Variants in CDH4 observed in about 807,000 individuals in gnomAD.
CDH4 encodes the protein cadherin-4.
Under a neutral mutation model 86.0 loss-of-function variants are expected in CDH4, and 33 were observed. The observed-to-expected ratio is 0.38, with a 90% CI of 0.29 to 0.51. The LOEUF is 0.51. CDH4 is among the 20% of genes least tolerant of loss of function. CDH4 has a pLI of 0.86. For missense variants in CDH4, 1,114 were observed against 1,307.4 expected (o/e 0.85, Z 2.28); for synonymous variants, 555 against 549.4 (o/e 1.01, Z -0.14).
At chr20:61,490,864 C>T (rs2085622417) in intron 2 of CDH4, among the ~76,000 whole-genome samples, 2 of 152,098 alleles carry the variant, frequency 1.3e-5, no homozygotes. Flanking sequence ...CTTAAAGAAA[C>T]GTAAAGTTAC....
intron 15 of CDH4, among the ~76,000 whole-genome samples, chr20:61,935,952 AAAC>A (rs1418494174): frequency 2.0e-5 from 3 of 152,118 alleles, no homozygotes; most frequent in African/African-American, 4.8e-5. Flanking sequence ...TTAAAAATGA[AAAC>A]AACAAACCAG....
chr20:61,617,867 G>C (rs1182117206), intron 2 of CDH4, among the ~76,000 whole-genome samples: 1 of 152,206 alleles, frequency 6.6e-6, no homozygotes. Flanking sequence ...ATGTTGAGGA[G>C]GGACCCGGTG....
At chr20:61,415,624 C>G (rs184504413) in intron 2 of CDH4, among the ~76,000 whole-genome samples, 1 of 152,070 alleles carries the variant, frequency 6.6e-6, no homozygotes, top group Non-Finnish European at 1.5e-5. Context: ...AGAATCATAC[C>G]GTATTTGTCC....
At chr20:61,607,845 G>T (rs1283174313) in intron 2 of CDH4, among the ~76,000 whole-genome samples, 1 of 152,196 alleles carries the variant, frequency 6.6e-6, no homozygotes, top group Non-Finnish European at 1.5e-5. Context: ...AGGGAGGCTG[G>T]TTTGATGCTT....
At chr20:61,613,878 C>G (rs1393254674) in intron 2 of CDH4, among the ~76,000 whole-genome samples, 1 of 151,974 alleles carries the variant, frequency 6.6e-6, no homozygotes, top group South Asian at 2.1e-4. Flanking sequence ...GGGAGGAGCT[C>G]GTTTGTTTCC....
At chr20:61,364,376 ACCCCGAGATCAGG>A (rs1313714809) in intron 2 of CDH4, among the ~76,000 whole-genome samples, 1 of 151,724 alleles carries the variant, frequency 6.6e-6, no homozygotes, top group East Asian at 1.9e-4. Context: ...GGCTCCTCAC[ACCCCGAGATCAGG>A]CCCATGAATG....
intron 2 of CDH4, chr20:61,718,285 G>A: frequency 6.1e-6 from 1 of 162,678 alleles, no homozygotes; most frequent in East Asian, 1.7e-4. Context: ...GCCCTTCTCG[G>A]CATCCCTGCC....
At chr20:61,934,725 TCCCCACC>T (rs2055159076) in intron 15 of CDH4, among the ~76,000 whole-genome samples, 1 of 77,804 alleles carries the variant, frequency 1.3e-5, no homozygotes, top group African/African-American at 4.8e-5. Context: ...TTGCCCCCCC[TCCCCACC>T]CCACCCCACA....
chr20:61,425,903 C>T (rs112912309), intron 2 of CDH4, among the ~76,000 whole-genome samples: 15 of 150,682 alleles, frequency 1.0e-4, no homozygotes, highest in African/African-American at 2.7e-4. Context: ...TCGAGGGCCC[C>T]GCCCAGGGCA....
At chr20:61,364,079 A>G (rs780111636) in intron 2 of CDH4, among the ~76,000 whole-genome samples, 6 of 152,224 alleles carry the variant, frequency 3.9e-5, no homozygotes, top group Non-Finnish European at 7.3e-5. Flanking sequence ...GCATTAACCC[A>G]TAGACCAATA....
chr20:61,531,471 T>TAA (rs2085952252), intron 2 of CDH4, among the ~76,000 whole-genome samples: 1 of 50,718 alleles, frequency 2.0e-5, no homozygotes, highest in African/African-American at 1.4e-4. Context: ...AGACTGCATC[T>TAA]CAAAAAAAAA....
At chr20:61,443,302 C>T (rs374893151) in intron 2 of CDH4, among the ~76,000 whole-genome samples, 8 of 152,140 alleles carry the variant, frequency 5.3e-5, no homozygotes, top group African/African-American at 1.9e-4. Flanking sequence ...AGAAATCAGC[C>T]CTGAAATGTG....
intron 5 of CDH4, 60 bp from the exon 6 acceptor site, chr20:61,852,694 G>C (rs191960553): frequency 1.9e-6 from 3 of 1,560,582 alleles, no homozygotes; most frequent in East Asian, 2.4e-5. Context: ...GTCCCAGGCC[G>C]CTCTCAGCTG....
intron 3 of CDH4, among the ~76,000 whole-genome samples, chr20:61,772,651 A>G (rs2088787755): frequency 6.6e-6 from 1 of 152,154 alleles, no homozygotes; most frequent in Non-Finnish European, 1.5e-5. Context: ...AAAACGTATT[A>G]GTCTTTTCTT....
In CDH4 at chr20:61,882,510, C is replaced by T. The variant is rs1179039021; in HGVS notation, c.1050+8610C>T. On this transcript the variant is annotated intron_variant, in intron 7 of 15. Transcript: ENST00000614565. ...AGATTCAGGACCTCTGGTCACGGGG[C>T]CTGCTTTCCTGCAAGGCACCAGGAG... Among the ~76,000 whole-genome samples the T allele has an allele frequency of 4.6e-5, 7 of 152,296 alleles. No homozygotes were observed. The East Asian group carries it at 1.4e-3, about 29-fold the overall frequency.
chr20:61,351,119 G>C (rs562429512), intron 2 of CDH4, among the ~76,000 whole-genome samples: 1 of 152,150 alleles, frequency 6.6e-6, no homozygotes, highest in Non-Finnish European at 1.5e-5. Context: ...GCTGTCCTCC[G>C]TGCTTTCAGA....
chr20:61,690,947 C>A lies in CDH4; in HGVS notation c.170-52616C>A, dbSNP rs996725839. 6.4e-4 allele frequency among the ~76,000 whole-genome samples: 98 copies of A among 152,210 alleles called. 1 individual carries two copies. The highest frequency in any genetic ancestry group is 2.2e-3 in the African/African-American group (93 of 41,456). On this transcript the variant is annotated intron_variant, in intron 2 of 15. Transcript: ENST00000614565. ...CTTGGGGGCCACAGCCTTGCAGACC[C>A]CCCGCCCCAGGGCTGAGCCCTCTAG...
At chr20:61,856,749 G>A (rs1039311890) in intron 6 of CDH4, among the ~76,000 whole-genome samples, 3 of 152,190 alleles carry the variant, frequency 2.0e-5, no homozygotes, top group Non-Finnish European at 4.4e-5. Context: ...CTCAGAGGGT[G>A]TGGCAGGCAC....
intron 2 of CDH4, among the ~76,000 whole-genome samples, chr20:61,439,344 G>A (rs886679141): frequency 2.2e-4 from 34 of 152,258 alleles, no homozygotes; most frequent in African/African-American, 8.2e-4. Context: ...CAGCTGCTCC[G>A]TGGCTCTGAG....
Sources: gnomAD v4.1 joint callset for allele counts (sites outside exome capture counted in the v4.1 genomes callset) on GRCh38, gnomAD v4.1.1 for gene constraint, MANE v1.5 for transcripts, NCBI Gene and HGNC (gene_info 2026-07-23, HGNC 2026-07-21) for gene names.